The following CD55 variants were observed in gnomAD, a reference collection of about 807,000 sequenced individuals.
CD55 encodes the protein complement decay-accelerating factor.
A neutral mutation model predicts 45.8 loss-of-function variants in CD55; 41 were observed. That is an observed-to-expected ratio of 0.90 (90% confidence interval 0.70 to 1.16). The LOEUF is 1.16. Ranked by LOEUF, CD55 falls within the 50% of genes most tolerant of loss-of-function variation. The pLI is 0.00. For missense variants in CD55, 416 were observed against 469.8 expected, an observed-to-expected ratio of 0.89 and a Z score of 1.06; for synonymous variants, 181 against 181.1, an observed-to-expected ratio of 1.00 and a Z score of 0.01.
chr1:207,321,940 A>G (rs1654426108), intron 1 of CD55, 75 bp downstream of exon 1: 2 of 1,088,914 alleles, frequency 1.8e-6, no homozygotes, highest in East Asian at 2.7e-5. Context: ...AGACACGCAC[A>G]GGGGCCGGCG....
At chr1:207,351,396 T>C (rs1396730785) in intron 9 of CD55, among the ~76,000 whole-genome samples, 1 of 152,160 alleles carries the variant, frequency 6.6e-6, no homozygotes, top group African/African-American at 2.4e-5. Flanking sequence ...ATGAATATCT[T>C]TGTTAGTTTT....
At chr1:207,342,488 G>C (rs1655466828) in intron 9 of CD55, among the ~76,000 whole-genome samples, 1 of 152,140 alleles carries the variant, frequency 6.6e-6, no homozygotes, top group East Asian at 1.9e-4. Flanking sequence ...TGCCTAGTTT[G>C]TTGAGAGTTT....
At chr1:207,356,529 C>T (rs1046972415) in intron 9 of CD55, among the ~76,000 whole-genome samples, 2 of 152,102 alleles carry the variant, frequency 1.3e-5, no homozygotes, top group African/African-American at 4.8e-5. Flanking sequence ...GAAAAATCAA[C>T]CTCTAACATA....
rs147474393 is a variant in CD55, at chr1:207,322,526, T to G, written c.245T>G (p.Leu82Arg). The G allele has an allele frequency of 3.2e-4, 514 of 1,614,078 alleles. 2 individuals are homozygous for G. In the African/African-American group the frequency reaches 3.5e-3, roughly 11 times the overall value. ...IPGEKDSVIC[L>R]KGSQWSDIEE... is the part of the protein sequence containing the mutation. Reference sequence around the variant, plus strand: ...GGCGAGAAGGACTCAGTGATCTGCCTTAAGGGCAGTCAATGGTCAGATATT... The same window carrying G: ...GGCGAGAAGGACTCAGTGATCTGCCGTAAGGGCAGTCAATGGTCAGATATT... Residue 82 changes from leucine (L) to arginine (R), a missense_variant, in exon 2 of 10, where the codon CTT (leucine) becomes CGT (arginine). Around this residue, in one of 3 missense-constraint regions of CD55, gnomAD observed 123 missense variants for 105.1 expected, o/e 1.17. Transcript: ENST00000367064.
chr1:207,360,342 A>G lies in CD55; in HGVS notation c.*732A>G, dbSNP rs1202697606. Reference sequence around the variant, plus strand: ...ATATTATTTCTGAATCGAGATGTCCATAGTCAAATTTGTAAATCTTATTCT... The same window carrying G: ...ATATTATTTCTGAATCGAGATGTCCGTAGTCAAATTTGTAAATCTTATTCT... On this transcript the variant is annotated 3_prime_UTR_variant, in exon 10 of 10. Coordinates refer to ENST00000367064, the MANE Select transcript of CD55 (RefSeq NM_000574.5). 1 of 152,210 alleles carries G rather than the reference A, an allele frequency of 6.6e-6. No homozygotes were observed. The highest frequency in any genetic ancestry group is 1.5e-5 in the Non-Finnish European group (1 of 68,020). The allele number at this position is 152,210 out of a possible 1,614,324, so 9.4% of individuals were successfully genotyped here.
chr1:207,331,404 A>G (rs1465580690), intron 6 of CD55, 108 bp downstream of exon 6: 8 of 829,178 alleles, frequency 9.6e-6, no homozygotes, highest in Non-Finnish European at 1.4e-5. Context: ...AAATGTTTAC[A>G]TATACATATT....
At chr1:207,337,202 A>C (rs1655217859) in intron 7 of CD55, 127 bp from the exon 8 acceptor site, 6 of 685,832 alleles carry the variant, frequency 8.7e-6, no homozygotes, top group Middle Eastern at 2.5e-4. Context: ...AACAGCCCAA[A>C]AATTCACCAC....
intron 9 of CD55, among the ~76,000 whole-genome samples, chr1:207,341,166 G>A (rs1655411186): frequency 6.6e-6 from 1 of 152,128 alleles, no homozygotes; most frequent in African/African-American, 2.4e-5. Flanking sequence ...CTGGATATTA[G>A]TACCTTTACA....
rs1656256917 is a variant in CD55, at chr1:207,360,492, A to AT, written c.*888dup. On this transcript the variant is annotated 3_prime_UTR_variant, in exon 10 of 10. Transcript: ENST00000367064. ...TTCCTAAATAGAAATAAATGATCCC[A>AT]TTTTTTGGTATCATGTAGTATGTGA... is the stretch of plus-strand genomic sequence containing the variant. The AT allele has an allele frequency of 6.6e-6, 1 of 152,134 alleles. No homozygotes were observed. The highest frequency in any genetic ancestry group is 2.1e-4 in the South Asian group (1 of 4,822). 9.4% of individuals were successfully genotyped at this position (152,134 alleles called of 1,614,324 possible).
chr1:207,347,180 C>G (rs1198072322), intron 9 of CD55: 9 of 456,138 alleles, frequency 2.0e-5, no homozygotes, highest in Non-Finnish European at 2.6e-5. Context: ...AGTCAGACAT[C>G]TTGAAGCCAC....
intron 9 of CD55, among the ~76,000 whole-genome samples, chr1:207,348,150 T>C (rs1417985675): frequency 6.6e-6 from 1 of 152,202 alleles, no homozygotes; most frequent in Non-Finnish European, 1.5e-5. Context: ...TCCAAACTGC[T>C]TTCCACAGAG....
chr1:207,349,398 G>A (rs917308092), intron 9 of CD55, among the ~76,000 whole-genome samples: 12 of 151,946 alleles, frequency 7.9e-5, no homozygotes, highest in African/African-American at 2.9e-4. Context: ...GGCCAAGCTA[G>A]TCTCAAACTC....
intron 5 of CD55, among the ~76,000 whole-genome samples, chr1:207,327,762 G>A (rs2102387965): frequency 6.6e-6 from 1 of 152,186 alleles, no homozygotes; most frequent in African/African-American, 2.4e-5. Flanking sequence ...CAACGTGTAC[G>A]GTCAACTGAC....
At position 207,337,354 on chromosome 1, in the gene CD55, G is replaced by A. The variant is rs770289157; in HGVS notation, c.1005G>A (p.Arg335=). 3.0e-5 allele frequency: 48 copies of A among 1,611,362 alleles called. No individual in the cohort carries two copies. Among genetic ancestry groups the A allele is most frequent in the Non-Finnish European group, 4.0e-5 (47 of 1,177,606 alleles). The change falls in exon 8 of 10, where the codon AGG becomes AGA. Residue 335 remains arginine, a synonymous_variant. Coordinates refer to ENST00000367064, the MANE Select transcript of CD55 (RefSeq NM_000574.5). ...AQATRSTPVS[R]TTKHFHETTP... Reference sequence around the variant, plus strand: ...CAACACGGAGTACACCTGTTTCCAGGACAACCAAGCATTTTCATGAAACAA... The same window carrying A: ...CAACACGGAGTACACCTGTTTCCAGAACAACCAAGCATTTTCATGAAACAA...
rs1654418499 is a variant in CD55 at position 207,321,850 on chromosome 1, C to A, written c.85C>A (p.Leu29Met). The part of the protein sequence containing the change: ...PRLLLLVLLC[L>M]PAVWGDCGLP... ...GCTGCTGCTGCTGGTGCTGTTGTGCCTGCCGGCCGTGTGGGGTGAGTAGGG... is the reference window on the plus strand; with the variant it reads ...GCTGCTGCTGCTGGTGCTGTTGTGCATGCCGGCCGTGTGGGGTGAGTAGGG... The change falls in exon 1 of 10, where the codon CTG becomes ATG. Residue 29 changes from leucine (L) to methionine (M), a missense_variant. Physicochemically the swap from Leu to Met is conservative, Grantham distance 15. Transcript: ENST00000367064. 1 of 1,528,520 alleles carries A rather than the reference C, an allele frequency of 6.5e-7. No homozygotes were observed. Among genetic ancestry groups the A allele is most frequent in the African/African-American group, 1.4e-5 (1 of 72,106 alleles). 94.7% of individuals were successfully genotyped at this position (1,528,520 alleles called of 1,614,324 possible).
chr1:207,332,008 T>C (rs1424123191), intron 6 of CD55, among the ~76,000 whole-genome samples: 1 of 152,054 alleles, frequency 6.6e-6, no homozygotes, highest in Admixed American at 6.5e-5. Flanking sequence ...ATTTTATTAG[T>C]ATGAATTTTA....
intron 7 of CD55, 166 bp downstream of exon 7, chr1:207,336,984 C>T (rs922090967): frequency 2.7e-6 from 2 of 750,174 alleles, no homozygotes; most frequent in African/African-American, 3.6e-5. Context: ...ACAGGAGTCT[C>T]ATCAACACCT....
intron 9 of CD55, among the ~76,000 whole-genome samples, chr1:207,350,801 T>C (rs1169609780): frequency 2.0e-5 from 3 of 152,150 alleles, no homozygotes; most frequent in African/African-American, 7.2e-5. Context: ...AAAAACCAGC[T>C]TTGGTTTTGT....
intron 9 of CD55, among the ~76,000 whole-genome samples, chr1:207,342,830 G>A (rs997196982): frequency 6.6e-6 from 1 of 152,032 alleles, no homozygotes; most frequent in Admixed American, 6.6e-5. Context: ...CCAGTCCTGG[G>A]CTTTTCTTTG....
Sources: allele counts gnomAD v4.1 joint callset (sites outside exome capture counted in the v4.1 genomes callset), GRCh38; gene constraint gnomAD v4.1.1; regional missense constraint gnomAD v4.1.1; transcripts MANE v1.5; gene names NCBI Gene and HGNC (gene_info 2026-07-23, HGNC 2026-07-21).